ETNK1: variants seen among roughly 807,000 people sequenced by gnomAD.
ETNK1 encodes putative protein product of Nbla10396.
Under a neutral mutation model 45.1 loss-of-function variants are expected in ETNK1, and 8 were observed. The ratio of observed to expected loss-of-function variants is 0.18; its 90% confidence interval spans 0.10 to 0.32. The LOEUF (loss-of-function observed/expected upper bound fraction) is 0.32, where lower values mean the gene tolerates loss of function less well. Among genes scored for constraint, ETNK1 ranks in the 10% least tolerant of loss-of-function variants. ETNK1 has a pLI of 1.00. For missense variants in ETNK1, 302 were observed against 430.6 expected (o/e 0.70, Z 2.64); for synonymous variants, 152 against 151.9 (o/e 1.00, Z -0.01).
rs771802895 is a variant in ETNK1, at chr12:22,643,733, T to C, written c.157-30T>C. The C allele has an allele frequency of 5.8e-6, 9 of 1,564,374 alleles. No individual in the cohort carries two copies. In the African/African-American group the frequency reaches 1.2e-4, roughly 21 times the overall value. ...TCTCTAAAGATAGATAATTGCTTTT[T>C]TTCCCATTTTTAAAAAAAATTTTTG... On this transcript the variant is annotated intron_variant, in intron 1 of 7. Coordinates refer to ENST00000266517, the MANE Select transcript of ETNK1 (RefSeq NM_018638.5).
At chr12:22,652,892 C>G (rs74659193) in intron 2 of ETNK1, among the ~76,000 whole-genome samples, 3 of 152,034 alleles carry the variant, frequency 2.0e-5, no homozygotes, top group African/African-American at 7.2e-5. Flanking sequence ...GTGTCATATC[C>G]AAGAAATCAT....
At chr12:22,627,150 A>ATTTT (rs146943602) in intron 1 of ETNK1, among the ~76,000 whole-genome samples, 19 of 150,574 alleles carry the variant, frequency 1.3e-4, no homozygotes, top group African/African-American at 4.4e-4. Context: ...TAGTTAAATT[A>ATTTT]TTTTTTTTTT....
chr12:22,649,035 G>T (rs981950892), intron 2 of ETNK1, among the ~76,000 whole-genome samples: 4 of 151,966 alleles, frequency 2.6e-5, no homozygotes, highest in Non-Finnish European at 5.9e-5. Flanking sequence ...GTCTGATAAG[G>T]TATTTGGTCC....
chr12:22,683,363 C>A lies in ETNK1; in HGVS notation c.946-1120C>A, dbSNP rs1236220683. Among the ~76,000 whole-genome samples the A allele has an allele frequency of 2.0e-5, 3 of 151,844 alleles. No individual in the cohort carries two copies. In the East Asian group the frequency reaches 5.8e-4, roughly 29 times the overall value. On this transcript the variant is annotated intron_variant, in intron 6 of 7. Coordinates refer to ENST00000266517, the MANE Select transcript of ETNK1 (RefSeq NM_018638.5). ...TTGAACTCCTGAGCTCTAGTGATCA[C>A]CAGCCTCCTGAATAGCTGAATAGTT...
chr12:22,667,840 G>A (rs1050946047), intron 4 of ETNK1, among the ~76,000 whole-genome samples: 14 of 152,092 alleles, frequency 9.2e-5, no homozygotes, highest in Admixed American at 7.9e-4. Flanking sequence ...TTATTTTTTA[G>A]TTTTAAAGTA....
Position 22,685,136 on chromosome 12 carries a change from C to A in ETNK1, c.*182C>A, listed in dbSNP as rs1295876506. 12 of 504,874 alleles carry A rather than the reference C, an allele frequency of 2.4e-5. 2 individuals carry two copies. In the South Asian group the frequency reaches 3.8e-4, roughly 16 times the overall value. The allele number at this position is 504,874 out of a possible 1,614,324, so 31.3% of individuals were successfully genotyped here. A position where few individuals can be genotyped will look rare whatever the true frequency, so the allele number is the denominator to read the frequency against. On this transcript the variant is annotated 3_prime_UTR_variant, in exon 8 of 8. Transcript: ENST00000266517. ...AGACTGAATGATGTCAAGAAATATA[C>A]CTACTGCTATCCGTATGTGGTGGAT...
intron 2 of ETNK1, among the ~76,000 whole-genome samples, chr12:22,647,262 A>G (rs927369784): frequency 6.6e-6 from 1 of 151,880 alleles, no homozygotes; most frequent in Admixed American, 6.6e-5. Flanking sequence ...ATGACAAACC[A>G]TCCAGTAACA....
Position 22,671,321 on chromosome 12 carries a change from A to G in ETNK1, c.750A>G (p.Ala250=), listed in dbSNP as rs1565447247. The G allele has an allele frequency of 1.9e-6, 3 of 1,610,398 alleles. No individual in the cohort carries two copies. Among genetic ancestry groups the G allele is most frequent in the Non-Finnish European group, 8.5e-7 (1 of 1,177,062 alleles). The stretch of plus-strand genomic sequence containing the variant: ...AATATTCTGGATACAACTACCTGGC[A>G]TATGATATTGGAAATCATTTCAATG... ...DYEYSGYNYL[A]YDIGNHFNEF... Residue 250 remains alanine, a synonymous_variant, in exon 5 of 8, where the codon GCA becomes GCG. Transcript: ENST00000266517.
chr12:22,636,007 A>G lies in ETNK1; in HGVS notation c.157-7756A>G, dbSNP rs370529995. 5.3e-5 allele frequency among the ~76,000 whole-genome samples: 8 copies of G among 152,176 alleles called. No individual in the cohort carries two copies. The South Asian group carries it at 1.2e-3, about 24-fold the overall frequency. On this transcript the variant is annotated intron_variant, in intron 1 of 7. Transcript: ENST00000266517. The stretch of plus-strand genomic sequence containing the variant: ...AGTCTGGCCAACCCTGTCTCTACAA[A>G]AAAAATGCAAAAAGTTAGTGGTGAT...
chr12:22,676,108 C>T (rs900515748), intron 6 of ETNK1, among the ~76,000 whole-genome samples: 2 of 152,134 alleles, frequency 1.3e-5, no homozygotes, highest in African/African-American at 4.8e-5. Context: ...TTGCTGCACC[C>T]ATCAACCTGT....
intron 1 of ETNK1, among the ~76,000 whole-genome samples, chr12:22,631,817 GTTC>G (rs1953583913): frequency 6.6e-6 from 1 of 151,932 alleles, no homozygotes; most frequent in Admixed American, 6.6e-5. Flanking sequence ...GAAATCAGAG[GTTC>G]TATTTCTCTT....
chr12:22,625,265 T>A lies in ETNK1; in HGVS notation c.-166T>A. The A allele has an allele frequency of 6.2e-7, 1 of 1,610,260 alleles. No individual in the cohort carries two copies. ...CTGTCCAGACCCGGATCGGCAACAG[T>A]GCCGCCTCCAGACGTTCTCCTGCCG... On this transcript the variant is annotated 5_prime_UTR_variant, in exon 1 of 8. Transcript: ENST00000266517.
At chr12:22,680,890 T>TTCCCCCCCCCC (rs1954208124) in intron 6 of ETNK1, among the ~76,000 whole-genome samples, 1 of 53,200 alleles carries the variant, frequency 1.9e-5, no homozygotes, top group Non-Finnish European at 5.3e-5. Context: ...GAGCTTTTCT[T>TTCCCCCCCCCC]CCCCCGCCCC....
At chr12:22,632,240 T>C (rs1272526684) in intron 1 of ETNK1, among the ~76,000 whole-genome samples, 2 of 152,128 alleles carry the variant, frequency 1.3e-5, no homozygotes, top group African/African-American at 2.4e-5. Context: ...CAATATTATA[T>C]TAAAACTGAA....
intron 2 of ETNK1, chr12:22,656,732 T>C: frequency 1.0e-6 from 1 of 984,674 alleles, no homozygotes; most frequent in Non-Finnish European, 1.2e-6. Context: ...TCAGGGTCTC[T>C]TATAAACCCT....
At chr12:22,644,057 A>G in intron 2 of ETNK1, 35 bp downstream of exon 2, 1 of 1,417,988 alleles carries the variant, frequency 7.1e-7, no homozygotes, top group Non-Finnish European at 9.2e-7. Flanking sequence ...CCTTTTGAAA[A>G]ATAGGGCATT....
At chr12:22,668,930 A>G (rs1273985737) in intron 4 of ETNK1, among the ~76,000 whole-genome samples, 1 of 152,212 alleles carries the variant, frequency 6.6e-6, no homozygotes, top group East Asian at 1.9e-4. Context: ...TTTACCTGCC[A>G]TTTTAACTGT....
rs762017986 is a variant in ETNK1, at chr12:22,643,936, C to T, written c.330C>T (p.Tyr110=). 5 of 1,613,458 alleles carry T rather than the reference C, an allele frequency of 3.1e-6. No homozygotes were observed. The highest frequency in any genetic ancestry group is 4.2e-6 in the Non-Finnish European group (5 of 1,179,522). The change falls in exon 2 of 8, where the codon TAC becomes TAT. Residue 110 remains tyrosine, a synonymous_variant. Transcript: ENST00000266517. The stretch of plus-strand genomic sequence containing the variant: ...CTCATGGGTGTGCACCACAACTCTA[C>T]TGTACCTTCAATAATGGACTATGCT... The part of the protein sequence containing the change: ...LQAHGCAPQL[Y]CTFNNGLCYE...
At chr12:22,675,997 T>A (rs1449845511) in intron 6 of ETNK1, among the ~76,000 whole-genome samples, 12 of 152,168 alleles carry the variant, frequency 7.9e-5, no homozygotes, top group Non-Finnish European at 8.8e-5. Context: ...GCCCGTTATT[T>A]ATTTCAATTA....
Sources: allele counts gnomAD v4.1 joint callset (sites outside exome capture counted in the v4.1 genomes callset), GRCh38; gene constraint gnomAD v4.1.1; transcripts MANE v1.5; gene names NCBI Gene and HGNC (gene_info 2026-07-23, HGNC 2026-07-21).